The following ASTN2 variants were observed in gnomAD, a reference collection of about 807,000 sequenced individuals.
The protein encoded by ASTN2 is astrotactin-2.
In ASTN2, 54 loss-of-function variants were observed where a neutral mutation model predicts 139.8. That is an observed-to-expected ratio of 0.39 (90% CI 0.31 to 0.48). The LOEUF (loss-of-function observed/expected upper bound fraction) is 0.48. Among genes scored for constraint, ASTN2 ranks in the 20% least tolerant of loss-of-function variants. The pLI is 0.95. For synonymous variants in ASTN2, 756 were observed against 719.5 expected (o/e 1.05, Z -0.81); for missense variants, 1,565 against 1,725.1 (o/e 0.91, Z 1.64).
intron 13 of ASTN2, among the ~76,000 whole-genome samples, chr9:116,738,830 C>T (rs1054579379): frequency 3.9e-5 from 6 of 152,196 alleles, no homozygotes; most frequent in African/African-American, 1.4e-4. Context: ...AGTACATGCT[C>T]AGTGAATCGA....
intron 4 of ASTN2, among the ~76,000 whole-genome samples, chr9:117,108,644 C>A (rs745721868): frequency 6.6e-6 from 1 of 152,146 alleles, no homozygotes; most frequent in Non-Finnish European, 1.5e-5. Flanking sequence ...AGAGAGTTCT[C>A]ACTAGGGAAA....
chr9:116,569,312 CAG>C (rs1361150844), intron 19 of ASTN2, among the ~76,000 whole-genome samples: 1 of 152,212 alleles, frequency 6.6e-6, no homozygotes, highest in African/African-American at 2.4e-5. Flanking sequence ...GCAGGCCTAA[CAG>C]AAGCATGGTG....
intron 6 of ASTN2, among the ~76,000 whole-genome samples, chr9:117,012,351 A>G (rs1035814985): frequency 6.6e-5 from 10 of 152,184 alleles, no homozygotes; most frequent in Admixed American, 5.9e-4. Context: ...AGAGGCAGGT[A>G]GAGAAACTCA....
At chr9:116,541,639 C>T (rs1002236987) in intron 19 of ASTN2, among the ~76,000 whole-genome samples, 3 of 152,170 alleles carry the variant, frequency 2.0e-5, no homozygotes, top group African/African-American at 7.2e-5. Context: ...GGAAGTGACT[C>T]TAACCATGGG....
chr9:116,846,766 G>T (rs1832443094), intron 11 of ASTN2, among the ~76,000 whole-genome samples: 1 of 152,084 alleles, frequency 6.6e-6, no homozygotes, highest in African/African-American at 2.4e-5. Context: ...ACATTCTATG[G>T]TTCTCTGCCA....
intron 19 of ASTN2, among the ~76,000 whole-genome samples, chr9:116,532,543 G>C (rs944546257): frequency 1.3e-5 from 2 of 152,184 alleles, no homozygotes; most frequent in East Asian, 1.9e-4. Context: ...TTTGTATAAG[G>C]TGTAAGGAAG....
intron 6 of ASTN2, among the ~76,000 whole-genome samples, chr9:117,032,777 G>A (rs185979089): frequency 1.4e-3 from 217 of 152,188 alleles, no homozygotes; most frequent in Middle Eastern, 3.4e-3. Flanking sequence ...CTACATGTGT[G>A]GCATATTAGT....
chr9:116,864,994 G>A (rs115376559), intron 10 of ASTN2, among the ~76,000 whole-genome samples: 2,155 of 152,146 alleles, frequency 0.014, 43 homozygotes, highest in African/African-American at 0.049. Context: ...TCTGGCATTC[G>A]GACTTCATAA....
At chr9:117,071,663 A>C (rs1362131595) in intron 5 of ASTN2, among the ~76,000 whole-genome samples, 1 of 148,906 alleles carries the variant, frequency 6.7e-6, no homozygotes, top group African/African-American at 2.5e-5. Context: ...AATCAGCGAG[A>C]TTCCGTGGGC....
At chr9:116,445,087 G>A (rs370008414) in intron 20 of ASTN2, among the ~76,000 whole-genome samples, 8 of 152,108 alleles carry the variant, frequency 5.3e-5, no homozygotes, top group African/African-American at 9.7e-5. Flanking sequence ...CATACACTTC[G>A]GCTTGGGTAC....
At chr9:117,126,820 C>T (rs1196043010) in intron 4 of ASTN2, among the ~76,000 whole-genome samples, 2 of 152,198 alleles carry the variant, frequency 1.3e-5, no homozygotes, top group African/African-American at 4.8e-5. Flanking sequence ...TCTTGAGTTA[C>T]ATAGAAGTGA....
chr9:116,445,797 C>G (rs540583574), intron 20 of ASTN2, among the ~76,000 whole-genome samples: 3 of 152,176 alleles, frequency 2.0e-5, no homozygotes, highest in Admixed American at 2.0e-4. Flanking sequence ...TAATAATAGG[C>G]CCAGTTCAAT....
intron 4 of ASTN2, among the ~76,000 whole-genome samples, chr9:117,129,924 TCCTTTC>T (rs1343216579): frequency 6.6e-6 from 1 of 152,228 alleles, no homozygotes; most frequent in Non-Finnish European, 1.5e-5. Flanking sequence ...TATATATTTT[TCCTTTC>T]CCTTTCCCTC....
intron 1 of ASTN2, among the ~76,000 whole-genome samples, chr9:117,362,926 CT>C (rs1190007033): frequency 2.6e-5 from 4 of 152,148 alleles, no homozygotes; most frequent in Non-Finnish European, 5.9e-5. Flanking sequence ...GCTCTGCTCC[CT>C]AGAAATTTCA....
At position 117,070,904 on chromosome 9, in the gene ASTN2, C is replaced by T. The variant is rs911512970; in HGVS notation, c.1276+25140G>A. On this transcript the variant is annotated intron_variant, in intron 5 of 22. Transcript: ENST00000313400. ...CTCTGTATTGGTTATTCTAGTTATA[C>T]ATTCTTCTAAATTTTTTTCAAAGTT... 4.1e-5 allele frequency among the ~76,000 whole-genome samples: 6 copies of T among 147,840 alleles called. No individual in the cohort carries two copies. The East Asian group carries it at 8.1e-4, about 20-fold the overall frequency.
At chr9:117,413,035 T>A (rs970736471) in intron 1 of ASTN2, among the ~76,000 whole-genome samples, 1 of 152,150 alleles carries the variant, frequency 6.6e-6, no homozygotes, top group Non-Finnish European at 1.5e-5. Flanking sequence ...GACGCTCCGC[T>A]GCCTCTCCTC....
intron 10 of ASTN2, among the ~76,000 whole-genome samples, chr9:116,936,978 G>T (rs1449009253): frequency 6.6e-6 from 1 of 152,130 alleles, no homozygotes; most frequent in Non-Finnish European, 1.5e-5. Context: ...GAGGTGTGAA[G>T]GACCCTTCAT....
At position 116,729,031 on chromosome 9, in the gene ASTN2, G is replaced by C. The variant is rs1300684798; in HGVS notation, c.2587C>G (p.Leu863Val). 1.3e-6 allele frequency: 2 copies of C among 1,582,044 alleles called. No homozygotes were observed. Among genetic ancestry groups the C allele is most frequent in the Admixed American group, 1.8e-5 (1 of 55,644 alleles). ...ATGGTGCTGAGCTTCACACGGTAGA[G>C]GTTGCTCCGGACCCGCCACTGCTGC... ...MVQQWRVRSN[L>V]YRVKLSTITL... The change falls in exon 15 of 23, where the codon CTC becomes GTC. Residue 863 changes from leucine (L) to valine (V), a missense_variant. Transcript: ENST00000313400.
At chr9:116,684,300 C>T (rs1376979113) in intron 16 of ASTN2, among the ~76,000 whole-genome samples, 1 of 152,126 alleles carries the variant, frequency 6.6e-6, no homozygotes, top group Non-Finnish European at 1.5e-5. Flanking sequence ...GACTAAAGTA[C>T]ATTTCTGTAA....
Sources: allele counts gnomAD v4.1 joint callset (sites outside exome capture counted in the v4.1 genomes callset), GRCh38; gene constraint gnomAD v4.1.1; transcripts MANE v1.5; gene names NCBI Gene and HGNC (gene_info 2026-07-23, HGNC 2026-07-21).